The following CC2D2A variants were observed in gnomAD, a reference collection of about 807,000 sequenced individuals.
The protein encoded by CC2D2A is coiled-coil and C2 domain-containing protein 2A.
In CC2D2A, 155 loss-of-function variants were observed where a neutral mutation model predicts 212.9. That is an observed-to-expected ratio of 0.73 (90% confidence interval 0.64 to 0.83). The LOEUF (loss-of-function observed/expected upper bound fraction) is 0.83. Ranked by LOEUF, CC2D2A falls within the 40% of genes least tolerant of loss-of-function variation. CC2D2A has a pLI of 0.00. For synonymous variants in CC2D2A, 667 were observed against 686.5 expected (o/e 0.97, Z 0.44); for missense variants, 1,856 against 1,956.2 (o/e 0.95, Z 0.97).
At chr4:15,472,292 A>G (rs1247635269) in intron 1 of CC2D2A, among the ~76,000 whole-genome samples, 2 of 152,234 alleles carry the variant, frequency 1.3e-5, no homozygotes, top group Non-Finnish European at 2.9e-5. Context: ...TATTGTGAGG[A>G]CTAAAGAGAA....
At chr4:15,534,296 C>G (rs1474145003) in intron 14 of CC2D2A, among the ~76,000 whole-genome samples, 2 of 152,052 alleles carry the variant, frequency 1.3e-5, no homozygotes, top group African/African-American at 4.8e-5. Context: ...CTTTTTGTTG[C>G]TTTTTGATGG....
At chr4:15,514,304 C>G (rs1716735475) in intron 8 of CC2D2A, among the ~76,000 whole-genome samples, 1 of 152,174 alleles carries the variant, frequency 6.6e-6, no homozygotes, top group Non-Finnish European at 1.5e-5. Flanking sequence ...GGACTGTGCA[C>G]CTATACACTT....
At chr4:15,569,177 C>G (rs1560187670) in intron 26 of CC2D2A, 116 bp from the exon 27 acceptor site, 1 of 637,670 alleles carries the variant, frequency 1.6e-6, no homozygotes, top group Non-Finnish European at 2.8e-6. Context: ...GAAAGCAATG[C>G]TTTTAATTCT....
Position 15,476,031 on chromosome 4 carries a change from C to T in CC2D2A, c.39+60C>T, listed in dbSNP as rs189349754. 1,193 of 1,462,592 alleles carry T rather than the reference C, an allele frequency of 8.2e-4. 2 individuals carry two copies. The highest frequency in any genetic ancestry group is 5.2e-3 in the Middle Eastern group (30 of 5,772). The allele number at this position is 1,462,592 out of a possible 1,614,324, so 90.6% of individuals were successfully genotyped here. ...TTTGTGTGTGCATGCTTATGTTACACGTGTTTGTGAATGAGGAAGTTAGGC... is the reference window on the plus strand; with the variant it reads ...TTTGTGTGTGCATGCTTATGTTACATGTGTTTGTGAATGAGGAAGTTAGGC... On this transcript the variant is annotated intron_variant, in intron 2 of 36. Transcript: ENST00000424120.
intron 20 of CC2D2A, 44 bp downstream of exon 20, chr4:15,555,254 T>C: frequency 6.3e-7 from 1 of 1,597,322 alleles, no homozygotes; most frequent in Non-Finnish European, 8.5e-7. Context: ...ACTTGGCCTT[T>C]TACACAATTT....
intron 4 of CC2D2A, among the ~76,000 whole-genome samples, chr4:15,482,725 T>C (rs1714764209): frequency 6.6e-6 from 1 of 152,208 alleles, no homozygotes; most frequent in South Asian, 2.1e-4. Context: ...GCACAACTAC[T>C]GGATATTTAA....
chr4:15,536,355 G>A (rs1188968081), intron 14 of CC2D2A, among the ~76,000 whole-genome samples: 1 of 152,124 alleles, frequency 6.6e-6, no homozygotes, highest in Non-Finnish European at 1.5e-5. Flanking sequence ...AATACCTAAT[G>A]TAGATGATGG....
intron 11 of CC2D2A, among the ~76,000 whole-genome samples, chr4:15,526,833 C>A (rs73237151): frequency 0.12 from 18,931 of 152,140 alleles, 1,319 homozygotes; most frequent in African/African-American, 0.18. Flanking sequence ...ATATACCAAA[C>A]GATCCAAGAC....
At chr4:15,527,357 C>A in intron 11 of CC2D2A, 90 bp from the exon 12 acceptor site, 1 of 919,244 alleles carries the variant, frequency 1.1e-6, no homozygotes, top group Non-Finnish European at 1.7e-6. Context: ...AGGTATTTTG[C>A]ATCTGACCGT....
intron 11 of CC2D2A, among the ~76,000 whole-genome samples, chr4:15,525,145 G>A (rs1330597798): frequency 6.6e-6 from 1 of 152,170 alleles, no homozygotes; most frequent in Non-Finnish European, 1.5e-5. Context: ...GGCTAATGCA[G>A]ATTTGTGGAA....
intron 4 of CC2D2A, among the ~76,000 whole-genome samples, chr4:15,491,245 T>C (rs766439895): frequency 1.3e-5 from 2 of 152,216 alleles, no homozygotes; most frequent in Non-Finnish European, 2.9e-5. Context: ...CTCCACATCT[T>C]TTCCAATACT....
At chr4:15,599,121 A>C (rs1234225249) in intron 35 of CC2D2A, among the ~76,000 whole-genome samples, 1 of 152,194 alleles carries the variant, frequency 6.6e-6, no homozygotes, top group Non-Finnish European at 1.5e-5. Context: ...TGATTGTACC[A>C]CTTCAATCCA....
intron 2 of CC2D2A, among the ~76,000 whole-genome samples, chr4:15,477,233 C>T (rs1043438082): frequency 3.4e-5 from 5 of 147,750 alleles, no homozygotes; most frequent in Non-Finnish European, 5.9e-5. Context: ...ACCTGGGTGG[C>T]GGAGGTTGCG....
At chr4:15,502,965 G>T in intron 6 of CC2D2A, 42 bp downstream of exon 6, 1 of 1,481,766 alleles carries the variant, frequency 6.7e-7, no homozygotes. Context: ...AACCAGTAAA[G>T]CAGAATATAA....
chr4:15,566,481 C>A (rs769728825), intron 24 of CC2D2A, among the ~76,000 whole-genome samples: 7 of 152,060 alleles, frequency 4.6e-5, no homozygotes, highest in Non-Finnish European at 1.0e-4. Flanking sequence ...CAGGCGCCCC[C>A]TAGAAGGGAG....
chr4:15,574,501 T>C (rs761856266), intron 29 of CC2D2A, among the ~76,000 whole-genome samples, 175 bp downstream of exon 29: 2 of 152,204 alleles, frequency 1.3e-5, no homozygotes, highest in Non-Finnish European at 2.9e-5. Context: ...ATGTGTGGGT[T>C]TGTACTTTCA....
At position 15,493,266 on chromosome 4, in the gene CC2D2A, T is replaced by G. The variant is rs181637230; in HGVS notation, c.248-9163T>G. ...ATTTATTATTTATTTATTTATTTAT[T>G]TATTTACTTACTTACTTACTGAGAC... On this transcript the variant is annotated intron_variant, in intron 4 of 36. Coordinates refer to ENST00000424120, the MANE Select transcript of CC2D2A (RefSeq NM_001378615.1). Among the ~76,000 whole-genome samples the G allele has an allele frequency of 3.7e-5, 5 of 134,316 alleles. 1 individual carries two copies. In the East Asian group the frequency reaches 8.0e-4, roughly 22 times the overall value. The allele number at this position is 134,316 out of a possible 152,430, so 88.1% of individuals were successfully genotyped here.
At chr4:15,567,040 TG>T in intron 24 of CC2D2A, among the ~76,000 whole-genome samples, 1 of 152,248 alleles carries the variant, frequency 6.6e-6, no homozygotes, top group East Asian at 1.9e-4. Context: ...TCCAGCACTT[TG>T]GGAGGCCAAA....
At chr4:15,522,807 G>A (rs1368418174) in intron 11 of CC2D2A, among the ~76,000 whole-genome samples, 1 of 152,100 alleles carries the variant, frequency 6.6e-6, no homozygotes, top group Admixed American at 6.6e-5. Flanking sequence ...AATCATGATA[G>A]CAAAGTAGGG....
Sources: gnomAD v4.1 joint callset for allele counts (sites outside exome capture counted in the v4.1 genomes callset) on GRCh38, gnomAD v4.1.1 for gene constraint, MANE v1.5 for transcripts, NCBI Gene and HGNC (gene_info 2026-07-23, HGNC 2026-07-21) for gene names.